PARP1: variants seen among roughly 807,000 people sequenced by gnomAD.
PARP1 encodes poly(ADP-ribose) polymerase 1.
A neutral mutation model predicts 118.7 loss-of-function variants in PARP1; 44 were observed. The observed-to-expected ratio is 0.37, with a 90% CI of 0.29 to 0.48. The LOEUF (loss-of-function observed/expected upper bound fraction) is 0.48. Ranked by LOEUF, PARP1 falls within the 20% of genes least tolerant of loss-of-function variation. The pLI is 0.99. For missense variants in PARP1, 1,100 were observed against 1,272.4 expected (o/e 0.86, Z 2.06); for synonymous variants, 492 against 483.2 (o/e 1.02, Z -0.24).
Position 226,390,502 on chromosome 1 carries a change from C to T in PARP1, c.525G>A (p.Glu175=), listed in dbSNP as rs750067055. Residue 175 remains glutamate (E), a synonymous_variant, in exon 4 of 23, where the codon GAG becomes GAA. Coordinates refer to ENST00000366794, the MANE Select transcript of PARP1 (RefSeq NM_001618.4). ...AGCCCTTGAGCTGACTCGCACTGTA[C>T]TCGGGCCGGAAACCCAGCTCCTCCC... ...KNREELGFRP[E]YSASQLKGFS... is the part of the protein sequence containing the mutation. The T allele has an allele frequency of 1.7e-5, 28 of 1,614,080 alleles. No individual in the cohort carries two copies. In the South Asian group the frequency reaches 2.2e-4, roughly 13 times the overall value.
chr1:226,379,293 A>T lies in PARP1; in HGVS notation c.1613-19T>A, dbSNP rs780466436. ...TCCAGTCCTGTCCCAGAGGAAAAGC[A>T]CCTACAGTTTTCTCTCCCCTTGAGG... is the stretch of plus-strand genomic sequence containing the variant. On this transcript the variant is annotated intron_variant, in intron 11 of 22. Transcript: ENST00000366794. 6.2e-7 allele frequency: 1 copy of T among 1,614,154 alleles called. No individual in the cohort carries two copies. The highest frequency in any genetic ancestry group is 8.5e-7 in the Non-Finnish European group (1 of 1,179,998).
chr1:226,375,165 G>A (rs1664463403), intron 13 of PARP1, among the ~76,000 whole-genome samples: 1 of 152,228 alleles, frequency 6.6e-6, no homozygotes. Context: ...AACTTGCGTT[G>A]TTAGTGTTCA....
Position 226,392,239 on chromosome 1 carries a change from T to C in PARP1, c.362A>G (p.Asn121Ser), listed in dbSNP as rs200370133. Residue 121 changes from asparagine to serine, a missense_variant, in exon 3 of 23, where the codon AAC becomes AGC. By Grantham distance (46) the Asn-to-Ser change is conservative. Transcript: ENST00000366794. ...CATACACCCCTTGCACGTACTTCTG[T>C]TGGACTTGGCATACTCTGCTGCAAA... is the stretch of plus-strand genomic sequence containing the variant. The part of the protein sequence containing the change: ...GDFAAEYAKS[N>S]RSTCKGCMEK... The C allele has an allele frequency of 2.5e-6, 4 of 1,614,094 alleles. No individual in the cohort carries two copies. The highest frequency in any genetic ancestry group is 2.2e-5 in the East Asian group (1 of 44,878).
At chr1:226,379,869 G>C (rs2102735281) in intron 10 of PARP1, 53 bp downstream of exon 10, 1 of 1,611,590 alleles carries the variant, frequency 6.2e-7, no homozygotes, top group South Asian at 1.1e-5. Context: ...CAACAACCTG[G>C]CCACCAATGT....
At chr1:226,370,228 C>A (rs1003401705) in intron 15 of PARP1, among the ~76,000 whole-genome samples, 20 of 152,166 alleles carry the variant, frequency 1.3e-4, no homozygotes, top group African/African-American at 4.6e-4. Flanking sequence ...AAAAATGTTG[C>A]TCTTCATTAG....
intron 17 of PARP1, chr1:226,366,527 G>C (rs1664268172): frequency 5.7e-6 from 1 of 175,888 alleles, no homozygotes. Flanking sequence ...TCTATGCTCA[G>C]TAAGCCTGAG....
chr1:226,402,021 A>G (rs1421790348), intron 2 of PARP1, 193 bp downstream of exon 2: 3 of 1,497,290 alleles, frequency 2.0e-6, no homozygotes, highest in Non-Finnish European at 2.7e-6. Context: ...GGAAAAACAA[A>G]ATACCAAATA....
intron 19 of PARP1, 132 bp from the exon 20 acceptor site, chr1:226,364,202 C>A: frequency 1.1e-6 from 1 of 875,656 alleles, no homozygotes; most frequent in African/African-American, 1.6e-5. Flanking sequence ...TCACAATGCC[C>A]ATGGTGAGGA....
At position 226,390,507 on chromosome 1, in the gene PARP1, G is replaced by A. The variant is rs2102741085; in HGVS notation, c.520C>T (p.Pro174Ser). ...VKNREELGFR[P>S]EYSASQLKGF... is the part of the protein sequence containing the mutation. ...TTGAGCTGACTCGCACTGTACTCGG[G>A]CCGGAAACCCAGCTCCTCCCTGTTC... Residue 174 changes from proline (P) to serine (S), a missense_variant, in exon 4 of 23, where the codon CCC becomes TCC. Physicochemically the swap from Pro to Ser is moderately conservative, Grantham distance 74 (BLOSUM62 -1). Coordinates refer to ENST00000366794, the MANE Select transcript of PARP1 (RefSeq NM_001618.4). 2 of 1,614,116 alleles carry A rather than the reference G, an allele frequency of 1.2e-6. No individual in the cohort carries two copies. The highest frequency in any genetic ancestry group is 1.7e-6 in the Non-Finnish European group (2 of 1,180,032).
chr1:226,390,809 C>T (rs1347285434), intron 3 of PARP1, among the ~76,000 whole-genome samples, 185 bp from the exon 4 acceptor site: 1 of 152,090 alleles, frequency 6.6e-6, no homozygotes, highest in East Asian at 1.9e-4. Flanking sequence ...TGTGTGTTAC[C>T]CACCCTCAAG....
intron 2 of PARP1, among the ~76,000 whole-genome samples, chr1:226,399,057 C>G (rs1576402865): frequency 6.8e-6 from 1 of 146,968 alleles, no homozygotes; most frequent in Non-Finnish European, 1.5e-5. Context: ...ATCAATACGA[C>G]AAGACATGGA....
intron 1 of PARP1, among the ~76,000 whole-genome samples, chr1:226,407,516 A>G (rs1175898218): frequency 1.3e-5 from 2 of 152,114 alleles, no homozygotes; most frequent in Non-Finnish European, 2.9e-5. Context: ...GGCAGTAATA[A>G]AACACCGCCA....
At chr1:226,363,400 G>A (rs1425362494) in intron 20 of PARP1, among the ~76,000 whole-genome samples, 2 of 152,154 alleles carry the variant, frequency 1.3e-5, no homozygotes, top group Non-Finnish European at 2.9e-5. Flanking sequence ...TTCAAGGCAA[G>A]GCCCTATTTG....
intron 7 of PARP1, among the ~76,000 whole-genome samples, chr1:226,384,796 G>A (rs537135875): frequency 4.3e-4 from 65 of 150,314 alleles, no homozygotes; most frequent in South Asian, 1.5e-3. Context: ...GAGTAATGTC[G>A]ATAGTTACTC....
In PARP1 at chr1:226,368,245, A is replaced by G. The variant is rs542812781; in HGVS notation, c.2231T>C (p.Phe744Ser). 1.9e-6 allele frequency: 3 copies of G among 1,614,160 alleles called. No homozygotes were observed. The highest frequency in any genetic ancestry group is 4.5e-5 in the East Asian group (2 of 44,888). The change falls in exon 16 of 23, where the codon TTT becomes TCT. Residue 744 changes from phenylalanine to serine, a missense_variant. Phe to Ser is a radical substitution (Grantham distance 155). Around this residue, in one of 2 missense-constraint regions of PARP1, gnomAD observed 948 missense variants for 1,031.8 expected, o/e 0.92. Transcript: ENST00000366794. ...CAGGAGCGGAGGCTTCTTCATCCCA[A>G]AGTCGTGGGGGATCAGGGTGTAAAA... is the stretch of plus-strand genomic sequence containing the variant. ...NRFYTLIPHD[F>S]GMKKPPLLNN...
intron 14 of PARP1, among the ~76,000 whole-genome samples, chr1:226,373,441 TGAAGGCCCCCAGGGTCAGTAC>T (rs1664431056): frequency 3.3e-5 from 5 of 152,330 alleles, no homozygotes; most frequent in Admixed American, 2.6e-4. Flanking sequence ...ACCTCTGCTC[TGAAGGCCCCCAGGGTCAGTAC>T]TTAAGAGCTC....
At chr1:226,381,343 G>T (rs1483452230) in intron 8 of PARP1, 135 bp from the exon 9 acceptor site, 4 of 955,526 alleles carry the variant, frequency 4.2e-6, no homozygotes, top group Non-Finnish European at 4.9e-6. Flanking sequence ...CGAGAAAACA[G>T]GACGGGACAG....
intron 9 of PARP1, 90 bp downstream of exon 9, chr1:226,380,978 G>T: frequency 7.0e-7 from 1 of 1,429,788 alleles, no homozygotes; most frequent in Non-Finnish European, 9.9e-7. Flanking sequence ...GTTTTTCAGC[G>T]CTGTGTTCGA....
chr1:226,385,499 C>A lies in PARP1; in HGVS notation c.1011+5G>T. On this transcript the variant is annotated splice_donor_5th_base_variant and intron_variant, in intron 7 of 22. Coordinates refer to ENST00000366794, the MANE Select transcript of PARP1 (RefSeq NM_001618.4). Reference sequence around the variant, plus strand: ...CAGATCCCAGGATCTTCCCCTACCCCTTACCTTTGGGGTTACCCACTCCTT... The same window carrying A: ...CAGATCCCAGGATCTTCCCCTACCCATTACCTTTGGGGTTACCCACTCCTT... 2.5e-6 allele frequency: 4 copies of A among 1,613,870 alleles called. No individual in the cohort carries two copies. In the South Asian group the frequency reaches 4.4e-5, roughly 18 times the overall value.
Sources: allele counts gnomAD v4.1 joint callset (sites outside exome capture counted in the v4.1 genomes callset), GRCh38; gene constraint gnomAD v4.1.1; regional missense constraint gnomAD v4.1.1; transcripts MANE v1.5; gene names NCBI Gene and HGNC (gene_info 2026-07-23, HGNC 2026-07-21).